The following DYNLL1 variants were observed in gnomAD, a reference collection of about 807,000 sequenced individuals.
The protein encoded by DYNLL1 is dynein light chain LC8-type 1, also known as dynein light chain 1, cytoplasmic.
In DYNLL1, 3 loss-of-function variants were observed where a neutral mutation model predicts 10.1. That is an observed-to-expected ratio of 0.30 (90% CI 0.14 to 0.77). The LOEUF (loss-of-function observed/expected upper bound fraction) is 0.77. Among genes scored for constraint, DYNLL1 ranks in the 30% least tolerant of loss-of-function variants. The pLI is 0.66. For synonymous variants in DYNLL1, 46 were observed against 41.2 expected, an observed-to-expected ratio of 1.12 and a Z score of -0.45; for missense variants, 47 against 111.7, an observed-to-expected ratio of 0.42 and a Z score of 2.61.
chr12:120,470,988 T>G (rs1878637031), intron 1 of DYNLL1, among the ~76,000 whole-genome samples: 1 of 152,048 alleles, frequency 6.6e-6, no homozygotes, highest in Non-Finnish European at 1.5e-5. Context: ...AAGGTTGCAG[T>G]GAGCCGAGAT....
At chr12:120,480,816 G>A (rs961919885) in intron 1 of DYNLL1, among the ~76,000 whole-genome samples, 1 of 148,298 alleles carries the variant, frequency 6.7e-6, no homozygotes, top group African/African-American at 2.5e-5. Context: ...GGCTGGAGTC[G>A]TGGCTCCATC....
intron 1 of DYNLL1, among the ~76,000 whole-genome samples, chr12:120,479,000 T>G (rs11065134): frequency 6.7e-6 from 1 of 148,848 alleles, no homozygotes; most frequent in Non-Finnish European, 1.5e-5. Flanking sequence ...ACTGTCTCTA[T>G]TAAAAATACA....
intron 1 of DYNLL1, among the ~76,000 whole-genome samples, chr12:120,489,934 G>A (rs1173197369): frequency 1.3e-5 from 2 of 152,180 alleles, no homozygotes; most frequent in Non-Finnish European, 2.9e-5. Flanking sequence ...TTTTAGTAGA[G>A]ACGGGGTTTC....
chr12:120,472,421 G>A lies in DYNLL1; in HGVS notation c.-7+2317G>A, dbSNP rs143900957. Among the ~76,000 whole-genome samples, 71 of 152,266 alleles carry A rather than the reference G, an allele frequency of 4.7e-4. 3 individuals carry two copies. In the East Asian group the frequency reaches 0.013, roughly 27 times the overall value. On this transcript the variant is annotated intron_variant, in intron 1 of 2. Coordinates refer to the DYNLL1 transcript ENST00000392509. Reference sequence around the variant, plus strand: ...CTCTAGACAAGCAGGAAAGAGCCCTGGCCAAATATGATCTCGAGTCTAAGT... The same window carrying A: ...CTCTAGACAAGCAGGAAAGAGCCCTAGCCAAATATGATCTCGAGTCTAAGT...
At chr12:120,490,134 T>C (rs916905893) in intron 1 of DYNLL1, among the ~76,000 whole-genome samples, 3 of 152,214 alleles carry the variant, frequency 2.0e-5, no homozygotes, top group African/African-American at 7.2e-5. Flanking sequence ...ATAAGTTCCA[T>C]AAAAAGGAAA....
chr12:120,470,584 C>CG (rs912441837), intron 1 of DYNLL1, among the ~76,000 whole-genome samples: 1 of 152,128 alleles, frequency 6.6e-6, no homozygotes, highest in African/African-American at 2.4e-5. Context: ...CCTCCCACCT[C>CG]GGGGCGCCGT....
chr12:120,486,140 G>A (rs888991089), intron 1 of DYNLL1, among the ~76,000 whole-genome samples: 1 of 152,178 alleles, frequency 6.6e-6, no homozygotes, highest in Non-Finnish European at 1.5e-5. Flanking sequence ...GCAGTTGGCT[G>A]CACTCATTAC....
chr12:120,475,034 G>T (rs1011159794), intron 1 of DYNLL1, among the ~76,000 whole-genome samples: 19 of 152,146 alleles, frequency 1.2e-4, no homozygotes, highest in African/African-American at 4.6e-4. Context: ...TGGAATTGGG[G>T]GTGAGCTTTA....
At chr12:120,494,979 G>A (rs541084640), upstream of DYNLL1, among the ~76,000 whole-genome samples, 15 of 152,314 alleles carry the variant, frequency 9.8e-5, no homozygotes, top group African/African-American at 2.9e-4. Context: ...TTTACTATGT[G>A]CCTCACATTG....
At chr12:120,479,462 AAAAAAAAATAAT>A (rs1343470022) in intron 1 of DYNLL1, among the ~76,000 whole-genome samples, 1 of 133,174 alleles carries the variant, frequency 7.5e-6, no homozygotes, top group African/African-American at 2.8e-5. Context: ...AAAAAAAAAA[AAAAAAAAATAAT>A]AATAATAATA....
intron 1 of DYNLL1, among the ~76,000 whole-genome samples, chr12:120,478,423 TTAAA>T (rs1878804166): frequency 6.6e-6 from 1 of 150,684 alleles, no homozygotes; most frequent in Non-Finnish European, 1.5e-5. Flanking sequence ...TTTTTTTTTT[TTAAA>T]TAGAGACAGG....
At chr12:120,481,714 G>A (rs1020271419) in intron 1 of DYNLL1, among the ~76,000 whole-genome samples, 2 of 152,212 alleles carry the variant, frequency 1.3e-5, no homozygotes, top group African/African-American at 4.8e-5. Context: ...AGTGTTTGGA[G>A]CCCAGTCTCT....
At chr12:120,475,550 T>C (rs1376036037) in intron 1 of DYNLL1, among the ~76,000 whole-genome samples, 1 of 152,224 alleles carries the variant, frequency 6.6e-6, no homozygotes, top group East Asian at 1.9e-4. Flanking sequence ...CCCACAGAAC[T>C]TTCTAGGATG....
chr12:120,482,176 A>T (rs1011289581), intron 1 of DYNLL1, among the ~76,000 whole-genome samples: 1 of 152,220 alleles, frequency 6.6e-6, no homozygotes, highest in Non-Finnish European at 1.5e-5. Flanking sequence ...TCTCAGTTGC[A>T]CACTTGGGAG....
chr12:120,497,799 T>G, intron 2 of DYNLL1: 1 of 408,786 alleles, frequency 2.4e-6, no homozygotes, highest in African/African-American at 2.0e-5. Flanking sequence ...GGTATGAAGG[T>G]GTAATTACCA....
chr12:120,476,560 G>A (rs929548473), intron 1 of DYNLL1, among the ~76,000 whole-genome samples: 11 of 152,166 alleles, frequency 7.2e-5, no homozygotes, highest in Non-Finnish European at 1.3e-4. Context: ...AGTCTGTCTT[G>A]TTGTGACACA....
At chr12:120,482,104 C>T (rs1878891829) in intron 1 of DYNLL1, among the ~76,000 whole-genome samples, 1 of 152,218 alleles carries the variant, frequency 6.6e-6, no homozygotes, top group African/African-American at 2.4e-5. Context: ...CTCCCAGACA[C>T]TGTCTACAAA....
Position 120,498,248 on chromosome 12 carries a change from A to G in DYNLL1, c.*38A>G, listed in dbSNP as rs753926812. On this transcript the variant is annotated 3_prime_UTR_variant, in exon 3 of 3. Transcript: ENST00000242577. Reference sequence around the variant, plus strand: ...TGCCACACACCCAGTGATCCATCCAAAAACAAGGACTGCAGCCTAAATTCC... The same window carrying G: ...TGCCACACACCCAGTGATCCATCCAGAAACAAGGACTGCAGCCTAAATTCC... 3 of 1,584,130 alleles carry G rather than the reference A, an allele frequency of 1.9e-6. No homozygotes were observed. The highest frequency in any genetic ancestry group is 2.6e-6 in the Non-Finnish European group (3 of 1,170,204).
intron 1 of DYNLL1, among the ~76,000 whole-genome samples, chr12:120,483,337 C>CAA (rs77071599): frequency 9.1e-5 from 9 of 98,980 alleles, no homozygotes; most frequent in East Asian, 3.1e-4. Flanking sequence ...AGCTCTGTAT[C>CAA]AAAAAAAAAA....
Sources: allele counts gnomAD v4.1 joint callset (sites outside exome capture counted in the v4.1 genomes callset), GRCh38; gene constraint gnomAD v4.1.1; transcripts MANE v1.5; gene names NCBI Gene and HGNC (gene_info 2026-07-23, HGNC 2026-07-21).